The following NEK3 variants were observed in gnomAD, a reference collection of about 807,000 sequenced individuals.
NEK3 encodes the protein NIMA related kinase 3, also known as serine/threonine-protein kinase Nek3.
A neutral mutation model predicts 66.0 loss-of-function variants in NEK3; 54 were observed. The observed-to-expected ratio is 0.82, with a 90% confidence interval of 0.66 to 1.03. The LOEUF (loss-of-function observed/expected upper bound fraction) is 1.03, where lower values mean the gene tolerates loss of function less well. NEK3 is among the 50% of genes least tolerant of loss of function. NEK3 has a pLI of 0.00. For synonymous variants in NEK3, 200 were observed against 206.2 expected (o/e 0.97, Z 0.26); for missense variants, 593 against 603.0 (o/e 0.98, Z 0.17).
chr13:52,136,330 C>T, intron 12 of NEK3, 71 bp from the exon 13 acceptor site: 1 of 1,428,290 alleles, frequency 7.0e-7, no homozygotes, highest in East Asian at 2.3e-5. Context: ...CACACATAGA[C>T]TCTAACAAAT....
At chr13:52,155,405 G>T (rs919103195) in intron 2 of NEK3, among the ~76,000 whole-genome samples, 1 of 152,112 alleles carries the variant, frequency 6.6e-6, no homozygotes, top group African/African-American at 2.4e-5. Flanking sequence ...ATTCTTCACT[G>T]TATTTTTATG....
chr13:52,143,299 A>G (rs1460123627), intron 10 of NEK3, among the ~76,000 whole-genome samples: 3 of 147,158 alleles, frequency 2.0e-5, no homozygotes, highest in African/African-American at 7.3e-5. Context: ...CTAGGCAACA[A>G]GAGTGAAGCT....
intron 12 of NEK3, among the ~76,000 whole-genome samples, chr13:52,136,497 A>G (rs1190800113): frequency 6.6e-6 from 1 of 152,178 alleles, no homozygotes; most frequent in Non-Finnish European, 1.5e-5. Flanking sequence ...ATATGTATAT[A>G]GTTACATATT....
rs569191417 is a variant in NEK3, at chr13:52,152,570, G to A, written c.393+39C>T. ...AACACAGTAAAATGACTGAATTAAG[G>A]ACTTTTTTTTTTTAAGTCCAAAAAT... On this transcript the variant is annotated intron_variant, in intron 5 of 15. Transcript: ENST00000610828. The A allele has an allele frequency of 7.4e-5, 96 of 1,296,096 alleles. 1 individual carries two copies. In the African/African-American group the frequency reaches 1.2e-3, roughly 16 times the overall value. 80.3% of individuals were successfully genotyped at this position (1,296,096 alleles called of 1,614,324 possible). A position where few individuals can be genotyped will look rare whatever the true frequency, so the allele number is the denominator to read the frequency against.
Position 52,156,102 on chromosome 13 carries a change from A to T in NEK3, c.90T>A (p.Phe30Leu). The T allele has an allele frequency of 6.2e-7, 1 of 1,605,944 alleles. No individual in the cohort carries two copies. Among genetic ancestry groups the T allele is most frequent in the East Asian group, 2.2e-5 (1 of 44,728 alleles). The change falls in exon 2 of 16, where the codon TTT becomes TTA. Residue 30 changes from phenylalanine to leucine, a missense_variant. By Grantham distance (22) the Phe-to-Leu change is conservative. Transcript: ENST00000610828. Reference sequence around the variant, plus strand: ...TGGGAAGCCTTATTTCTTTCATGGCAAACATCTGATTACTGCTTTCATGCT... The same window carrying T: ...TGGGAAGCCTTATTTCTTTCATGGCTAACATCTGATTACTGCTTTCATGCT... ...LVQHESSNQM[F>L]AMKEIRLPKS...
chr13:52,151,598 T>G (rs568375486), intron 5 of NEK3, among the ~76,000 whole-genome samples: 4 of 152,326 alleles, frequency 2.6e-5, no homozygotes, highest in African/African-American at 7.2e-5. Flanking sequence ...CTTCAAAATC[T>G]AACAAGCAAG....
At chr13:52,147,463 T>C (rs1476152519) in intron 8 of NEK3, among the ~76,000 whole-genome samples, 1 of 152,226 alleles carries the variant, frequency 6.6e-6, no homozygotes, top group Non-Finnish European at 1.5e-5. Context: ...TCCTGATAGA[T>C]GCTACAACAT....
chr13:52,151,725 T>G (rs537198126), intron 5 of NEK3, among the ~76,000 whole-genome samples: 1 of 152,312 alleles, frequency 6.6e-6, no homozygotes, highest in South Asian at 2.1e-4. Flanking sequence ...ACTTAGTAAG[T>G]GGTCACTAAA....
chr13:52,142,812 T>C (rs1290275607), intron 10 of NEK3, among the ~76,000 whole-genome samples: 1 of 152,248 alleles, frequency 6.6e-6, no homozygotes, highest in African/African-American at 2.4e-5. Context: ...ATTCCATTCA[T>C]AGCTACTATC....
chr13:52,148,912 G>A (rs1956316106), intron 7 of NEK3, among the ~76,000 whole-genome samples: 1 of 152,104 alleles, frequency 6.6e-6, no homozygotes, highest in Non-Finnish European at 1.5e-5. Flanking sequence ...TTTTCTTTGA[G>A]ATGGAGTCTT....
At chr13:52,151,048 T>C (rs892505539) in intron 7 of NEK3, 98 bp downstream of exon 7, 2 of 849,748 alleles carry the variant, frequency 2.4e-6, no homozygotes, top group Non-Finnish European at 3.8e-6. Flanking sequence ...ATATGATCCA[T>C]GCATCTGTTT....
chr13:52,149,289 C>T (rs1311978024), intron 7 of NEK3, among the ~76,000 whole-genome samples: 2 of 151,902 alleles, frequency 1.3e-5, no homozygotes, highest in African/African-American at 2.4e-5. Context: ...CACTGTACTG[C>T]TGCCTTGAAC....
Position 52,140,331 on chromosome 13 carries a change from G to A in NEK3, c.927+689C>T, listed in dbSNP as rs186581974. 5.0e-4 allele frequency among the ~76,000 whole-genome samples: 75 copies of A among 151,138 alleles called. 1 individual carries two copies. The East Asian group carries it at 6.9e-3, about 14-fold the overall frequency. Reference sequence around the variant, plus strand: ...TCATCAATAATCAAAAATGGAGGCCGGGCACGGTGGCTCACGCCTGTAATC... The same window carrying A: ...TCATCAATAATCAAAAATGGAGGCCAGGCACGGTGGCTCACGCCTGTAATC... On this transcript the variant is annotated intron_variant, in intron 11 of 15. Transcript: ENST00000610828.
intron 8 of NEK3, among the ~76,000 whole-genome samples, chr13:52,146,643 C>A (rs78157420): frequency 6.6e-6 from 1 of 152,148 alleles, no homozygotes; most frequent in Non-Finnish European, 1.5e-5. Context: ...TTGGGCTGTA[C>A]ATTGTAATCA....
chr13:52,140,547 G>C (rs1284054352), intron 11 of NEK3, among the ~76,000 whole-genome samples: 6 of 152,014 alleles, frequency 3.9e-5, no homozygotes, highest in Admixed American at 1.3e-4. Flanking sequence ...GGCGGGGCTT[G>C]CAGTGAGCCA....
At chr13:52,157,894 T>C (rs758028525) in intron 1 of NEK3, among the ~76,000 whole-genome samples, 1 of 152,266 alleles carries the variant, frequency 6.6e-6, no homozygotes, top group Non-Finnish European at 1.5e-5. Flanking sequence ...TTTTTTATTT[T>C]GAGACGGAGT....
At chr13:52,159,460 C>T (rs2138220705) in intron 1 of NEK3, 83 bp downstream of exon 1, 1 of 152,674 alleles carries the variant, frequency 6.5e-6, no homozygotes, top group Admixed American at 6.5e-5. Flanking sequence ...GCGTCTACCC[C>T]TCGCTCCCAC....
At chr13:52,145,722 C>A (rs1232599450) in intron 8 of NEK3, among the ~76,000 whole-genome samples, 1 of 152,182 alleles carries the variant, frequency 6.6e-6, no homozygotes, top group East Asian at 1.9e-4. Context: ...CAATGACAGA[C>A]TGGAGTAACA....
intron 10 of NEK3, among the ~76,000 whole-genome samples, chr13:52,142,898 G>A (rs1956263224): frequency 6.6e-6 from 1 of 152,200 alleles, no homozygotes; most frequent in Non-Finnish European, 1.5e-5. Flanking sequence ...AAAATTCAGA[G>A]ATGACAACTT....
Sources: gnomAD v4.1 joint callset for allele counts (sites outside exome capture counted in the v4.1 genomes callset) on GRCh38, gnomAD v4.1.1 for gene constraint, MANE v1.5 for transcripts, NCBI Gene and HGNC (gene_info 2026-07-23, HGNC 2026-07-21) for gene names.